Variants in SLC12A6 observed in about 807,000 individuals in gnomAD.
The protein encoded by SLC12A6 is solute carrier family 12 member 6.
A neutral mutation model predicts 135.3 loss-of-function variants in SLC12A6; 66 were observed. The ratio of observed to expected loss-of-function variants is 0.49; its 90% confidence interval spans 0.40 to 0.60. SLC12A6 has a LOEUF of 0.60. SLC12A6 is among the 20% of genes least tolerant of loss of function. The pLI, the probability that SLC12A6 is intolerant of heterozygous loss-of-function variation, is 0.00. For missense variants in SLC12A6, 1,058 were observed against 1,452.3 expected, an observed-to-expected ratio of 0.73 and a Z score of 4.41; for synonymous variants, 513 against 508.8, an observed-to-expected ratio of 1.01 and a Z score of -0.11.
intron 2 of SLC12A6, among the ~76,000 whole-genome samples, chr15:34,313,948 GA>G (rs539393779): frequency 0.087 from 7,085 of 81,902 alleles, 163 homozygotes; most frequent in Middle Eastern, 0.13. Context: ...TCTTAAAAAC[GA>G]AAAAAAAAAA....
chr15:34,298,852 T>C (rs1310645978), intron 2 of SLC12A6, among the ~76,000 whole-genome samples: 3 of 152,150 alleles, frequency 2.0e-5, no homozygotes, highest in Non-Finnish European at 4.4e-5. Context: ...TAGATTCTCA[T>C]CCTTTTCAGC....
chr15:34,307,723 T>C (rs1331194454), intron 2 of SLC12A6, among the ~76,000 whole-genome samples: 3 of 152,156 alleles, frequency 2.0e-5, no homozygotes, highest in East Asian at 3.8e-4. Flanking sequence ...TGTGGGTATA[T>C]GTAATTTTTT....
chr15:34,335,579 A>T (rs78209404), intron 2 of SLC12A6, among the ~76,000 whole-genome samples: 3 of 152,130 alleles, frequency 2.0e-5, no homozygotes, highest in Admixed American at 1.3e-4. Context: ...TTTAAATTTC[A>T]GAGTCCAAAA....
chr15:34,279,098 T>G (rs1306702693), intron 2 of SLC12A6, among the ~76,000 whole-genome samples: 1 of 151,544 alleles, frequency 6.6e-6, no homozygotes, highest in Non-Finnish European at 1.5e-5. Flanking sequence ...GGGTGGATCA[T>G]GAGGTCAGGC....
intron 3 of SLC12A6, among the ~76,000 whole-genome samples, chr15:34,272,144 T>A (rs1894004620): frequency 6.6e-6 from 1 of 152,112 alleles, no homozygotes; most frequent in East Asian, 1.9e-4. Flanking sequence ...CCGGCCAATT[T>A]TTTTTAAGTA....
rs763262122 is a variant in SLC12A6, at chr15:34,240,688, G to A, written c.2409C>T (p.Asn803=). The change falls in exon 19 of 26, where the codon AAC becomes AAT. Residue 803 remains asparagine, a synonymous_variant. Transcript: ENST00000354181. ...GCTCAGCAGCTAAAGCTTCACCGTA[G>A]TTCTCTAGGAAGTTCCCCACGATGA... The part of the protein sequence containing the change: ...GSVIVGNFLE[N]YGEALAAEQT... 2 of 1,613,994 alleles carry A rather than the reference G, an allele frequency of 1.2e-6. No homozygotes were observed.
Position 34,336,428 on chromosome 15 carries a change from G to T in SLC12A6, c.253C>A (p.Pro85Thr). 6.2e-7 allele frequency: 1 copy of T among 1,613,844 alleles called. No homozygotes were observed. The highest frequency in any genetic ancestry group is 1.1e-5 in the South Asian group (1 of 91,062). Reference sequence around the variant, plus strand: ...TACTTACCCTCGATGACATCCTGGGGGTGAGAAGTCCGGTCACTGGGTGGA... The same window carrying T: ...TACTTACCCTCGATGACATCCTGGGTGTGAGAAGTCCGGTCACTGGGTGGA... Reference protein sequence around the residue: ...LDPPSDRTSHPQDVIEDLSQN... With the variant: ...LDPPSDRTSHTQDVIEDLSQN... The change falls in exon 2 of 26, where the codon CCC (proline) becomes ACC (threonine). Residue 85 changes from proline to threonine, a missense_variant. Around this residue, in one of 6 missense-constraint regions of SLC12A6, gnomAD observed 176 missense variants for 168.9 expected, o/e 1.04. Coordinates refer to ENST00000354181, the MANE Select transcript of SLC12A6 (RefSeq NM_001365088.1).
chr15:34,322,570 T>C (rs1485468478), intron 2 of SLC12A6, among the ~76,000 whole-genome samples: 1 of 152,070 alleles, frequency 6.6e-6, no homozygotes, highest in Non-Finnish European at 1.5e-5. Context: ...TACAATAGGA[T>C]AGATGGACAC....
intron 19 of SLC12A6, among the ~76,000 whole-genome samples, chr15:34,239,953 C>CTT (rs563159216): frequency 6.7e-6 from 1 of 149,598 alleles, no homozygotes; most frequent in Middle Eastern, 3.2e-3. Flanking sequence ...TCCAGTAAAA[C>CTT]TTTTTTTTTT....
Position 34,232,587 on chromosome 15 carries a change from C to T in SLC12A6, c.*1294G>A, listed in dbSNP as rs1216277772. The T allele has an allele frequency of 6.6e-6, 1 of 152,388 alleles. No homozygotes were observed. The highest frequency in any genetic ancestry group is 1.5e-5 in the Non-Finnish European group (1 of 68,026). 9.4% of individuals were successfully genotyped at this position (152,388 alleles called of 1,614,324 possible). A position where few individuals can be genotyped will look rare whatever the true frequency, so the allele number is the denominator to read the frequency against. On this transcript the variant is annotated 3_prime_UTR_variant, in exon 26 of 26. Transcript: ENST00000354181. ...CTTGGCTAATCTCGTAGTTCAGGGCCAAGTTTCTGTAGTCAGAATGAAGAA... is the reference window on the plus strand; with the variant it reads ...CTTGGCTAATCTCGTAGTTCAGGGCTAAGTTTCTGTAGTCAGAATGAAGAA...
At chr15:34,337,132 G>A (rs760955860) in intron 1 of SLC12A6, 200 bp downstream of exon 1, 20 of 272,662 alleles carry the variant, frequency 7.3e-5, no homozygotes, top group Admixed American at 1.5e-4. Context: ...AGTGCGTGCA[G>A]GCAAACCTTT....
intron 2 of SLC12A6, among the ~76,000 whole-genome samples, chr15:34,315,799 G>A (rs1393968398): frequency 2.0e-5 from 3 of 152,086 alleles, no homozygotes; most frequent in Non-Finnish European, 4.4e-5. Context: ...CTAACACGGT[G>A]AAACCCCATC....
intron 3 of SLC12A6, among the ~76,000 whole-genome samples, chr15:34,262,877 C>T (rs1434958386): frequency 2.6e-5 from 4 of 152,182 alleles, no homozygotes; most frequent in African/African-American, 4.8e-5. Context: ...TGCATTGGAG[C>T]GCAAGCCAGG....
intron 4 of SLC12A6, among the ~76,000 whole-genome samples, chr15:34,259,790 A>T (rs993530880): frequency 1.3e-5 from 2 of 152,242 alleles, no homozygotes; most frequent in Non-Finnish European, 2.9e-5. Context: ...TGTCTTATTC[A>T]GATAAGATAT....
chr15:34,255,105 C>G (rs918656783), intron 8 of SLC12A6, among the ~76,000 whole-genome samples, 157 bp downstream of exon 8: 8 of 152,212 alleles, frequency 5.3e-5, no homozygotes, highest in Non-Finnish European at 1.2e-4. Flanking sequence ...AGAATTTCAA[C>G]CTTTCCACCT....
In SLC12A6 at chr15:34,250,787, C is replaced by T. The variant is rs952889738; in HGVS notation, c.1493-58G>A. ...CTTCTTGGACACTTTGATATTGATA[C>T]TGATAGCAAAGAGTAGAAGCAAATC... On this transcript the variant is annotated intron_variant, in intron 11 of 25. Transcript: ENST00000354181. 35 of 1,347,436 alleles carry T rather than the reference C, an allele frequency of 2.6e-5. 1 individual carries two copies. The Admixed American group carries it at 5.9e-4, about 23-fold the overall frequency. The allele number at this position is 1,347,436 out of a possible 1,614,324, so 83.5% of individuals were successfully genotyped here. A position where few individuals can be genotyped will look rare whatever the true frequency, so the allele number is the denominator to read the frequency against.
chr15:34,286,072 CTTTT>C (rs57903086), intron 2 of SLC12A6, among the ~76,000 whole-genome samples: 1 of 148,260 alleles, frequency 6.7e-6, no homozygotes, highest in Non-Finnish European at 1.5e-5. Context: ...GGTTTTATTG[CTTTT>C]TTTTTTCTTT....
In SLC12A6 at chr15:34,261,146, G is replaced by T. The variant is rs554681569; in HGVS notation, c.317-126C>A. ...ATTTTCATATTCAAATTTAATCTTA[G>T]AACTCAATCAGCACTGCTTGGAGAA... On this transcript the variant is annotated intron_variant, in intron 3 of 25. Coordinates refer to ENST00000354181, the MANE Select transcript of SLC12A6 (RefSeq NM_001365088.1). 111 of 688,842 alleles carry T rather than the reference G, an allele frequency of 1.6e-4. 1 individual carries two copies. The highest frequency in any genetic ancestry group is 1.5e-3 in the South Asian group (99 of 65,532). 42.7% of individuals were successfully genotyped at this position (688,842 alleles called of 1,614,324 possible).
chr15:34,238,520 T>G (rs1049061216), intron 20 of SLC12A6, 119 bp from the exon 21 acceptor site: 10 of 769,938 alleles, frequency 1.3e-5, no homozygotes, highest in Admixed American at 8.1e-5. Flanking sequence ...CCTATTTACT[T>G]AGTAGGTTAT....
Sources: gnomAD v4.1 joint callset for allele counts (sites outside exome capture counted in the v4.1 genomes callset) on GRCh38, gnomAD v4.1.1 for gene constraint, gnomAD v4.1.1 regional missense constraint, MANE v1.5 for transcripts, NCBI Gene and HGNC (gene_info 2026-07-23, HGNC 2026-07-21) for gene names.